ACSS1: variants seen among roughly 807,000 people sequenced by gnomAD.
ACSS1 encodes acetyl-coenzyme A synthetase 2-like, mitochondrial.
In ACSS1, 42 loss-of-function variants were observed where a neutral mutation model predicts 75.3. The observed-to-expected ratio is 0.56, with a 90% CI of 0.44 to 0.72. The LOEUF (loss-of-function observed/expected upper bound fraction) is 0.72. Ranked by LOEUF, ACSS1 falls within the 30% of genes least tolerant of loss-of-function variation. The pLI, the probability that ACSS1 is intolerant of heterozygous loss-of-function variation, is 0.00. For missense variants in ACSS1, 782 were observed against 935.7 expected (o/e 0.84, Z 2.14); for synonymous variants, 380 against 376.8 (o/e 1.01, Z -0.10).
chr20:25,042,743 C>T (rs989522752), intron 2 of ACSS1, among the ~76,000 whole-genome samples: 1 of 152,132 alleles, frequency 6.6e-6, no homozygotes, highest in South Asian at 2.1e-4. Flanking sequence ...CCTGAAATCA[C>T]CACCCACCCA....
At chr20:25,031,137 A>G in intron 2 of ACSS1, 179 bp from the exon 3 acceptor site, 1 of 719,676 alleles carries the variant, frequency 1.4e-6, no homozygotes, top group Non-Finnish European at 2.4e-6. Context: ...AAAGTTTTTA[A>G]CATTTGTAGA....
At position 25,046,946 on chromosome 20, in the gene ACSS1, T is replaced by A. The variant is rs1186735618; in HGVS notation, c.431+1139A>T. The A allele has an allele frequency of 3.9e-6, 3 of 779,062 alleles. No individual in the cohort carries two copies. In the East Asian group the frequency reaches 7.3e-5, roughly 19 times the overall value. 48.3% of individuals were successfully genotyped at this position (779,062 alleles called of 1,614,324 possible). ...GGGAGACGGGTCAGCAAAGGAGCCC[T>A]GGCCGAGGCTGGTGGAGCTGTGATG... On this transcript the variant is annotated intron_variant, in intron 2 of 13. Transcript: ENST00000323482.
chr20:25,050,009 T>C (rs1190224642), intron 1 of ACSS1, among the ~76,000 whole-genome samples: 1 of 151,872 alleles, frequency 6.6e-6, no homozygotes, highest in Non-Finnish European at 1.5e-5. Flanking sequence ...AGAAGAATAG[T>C]GAGGCCAATT....
intron 6 of ACSS1, among the ~76,000 whole-genome samples, chr20:25,020,787 T>C (rs1333162832): frequency 6.6e-6 from 1 of 152,246 alleles, no homozygotes; most frequent in Non-Finnish European, 1.5e-5. Flanking sequence ...ACACAGTCCA[T>C]GCACAGTTGT....
intron 2 of ACSS1, among the ~76,000 whole-genome samples, chr20:25,034,446 G>A (rs2088875956): frequency 6.6e-6 from 1 of 151,954 alleles, no homozygotes; most frequent in Non-Finnish European, 1.5e-5. Flanking sequence ...CTCTGGTCGA[G>A]CCCTCCATGA....
chr20:25,026,619 C>T (rs2088724321), intron 3 of ACSS1, among the ~76,000 whole-genome samples: 1 of 152,320 alleles, frequency 6.6e-6, no homozygotes, highest in South Asian at 2.1e-4. Flanking sequence ...TCCTGTCCCA[C>T]AGACCCATGA....
At chr20:25,018,521 G>A (rs1264072876) in intron 7 of ACSS1, among the ~76,000 whole-genome samples, 1 of 152,152 alleles carries the variant, frequency 6.6e-6, no homozygotes, top group Non-Finnish European at 1.5e-5. Context: ...CATCAATCAG[G>A]TGGGGGGCAG....
At chr20:25,025,865 A>G (rs1036724597) in intron 3 of ACSS1, among the ~76,000 whole-genome samples, 22 of 152,012 alleles carry the variant, frequency 1.4e-4, no homozygotes, top group African/African-American at 5.3e-4. Flanking sequence ...AGTTCTGTGC[A>G]TTAAGGATGT....
At chr20:25,008,229 C>T (rs1307377478) in intron 13 of ACSS1, among the ~76,000 whole-genome samples, 1 of 152,236 alleles carries the variant, frequency 6.6e-6, no homozygotes, top group African/African-American at 2.4e-5. Flanking sequence ...CACTGTGCCA[C>T]GTGCAGGCAC....
intron 2 of ACSS1, chr20:25,032,367 G>C: frequency 7.4e-7 from 1 of 1,355,188 alleles, no homozygotes; most frequent in Non-Finnish European, 9.5e-7. Flanking sequence ...CCGCCAACTT[G>C]CCGGCCATGC....
At chr20:25,008,032 AG>A (rs1290486256) in intron 13 of ACSS1, 91 bp from the exon 14 acceptor site, 2 of 1,462,076 alleles carry the variant, frequency 1.4e-6, no homozygotes, top group East Asian at 2.5e-5. Flanking sequence ...GGCTCTGCTC[AG>A]GGGGGATGCC....
chr20:25,041,245 G>A (rs1445904843), intron 2 of ACSS1, among the ~76,000 whole-genome samples: 3 of 142,014 alleles, frequency 2.1e-5, no homozygotes, highest in Non-Finnish European at 4.5e-5. Context: ...GTGACAGAGC[G>A]AGACTCCGTC....
rs377258023 is a variant in ACSS1 at position 25,008,327 on chromosome 20, G to C, written c.1891-386C>G. ...TGGCAGGTTTTGTCTTACATCAGAG[G>C]TGAGAACTACTTAAGAGAAAAATTT... On this transcript the variant is annotated intron_variant, in intron 13 of 13. Coordinates refer to ENST00000323482, the MANE Select transcript of ACSS1 (RefSeq NM_032501.4). 1.4e-4 allele frequency among the ~76,000 whole-genome samples: 22 copies of C among 152,358 alleles called. 1 individual carries two copies. The highest frequency in any genetic ancestry group is 3.4e-3 in the Middle Eastern group (1 of 294).
chr20:25,040,405 AG>A (rs1449653787), intron 2 of ACSS1, among the ~76,000 whole-genome samples: 3 of 152,202 alleles, frequency 2.0e-5, no homozygotes, highest in African/African-American at 7.2e-5. Flanking sequence ...TAAGCCCTGG[AG>A]GGGAAGTTCA....
At chr20:25,052,973 C>T (rs900448921) in intron 1 of ACSS1, among the ~76,000 whole-genome samples, 2 of 151,544 alleles carry the variant, frequency 1.3e-5, no homozygotes, top group African/African-American at 4.8e-5. Context: ...TATTTAAATA[C>T]ATCCCTCACA....
At chr20:25,037,076 T>C (rs2122711508) in intron 2 of ACSS1, among the ~76,000 whole-genome samples, 1 of 152,120 alleles carries the variant, frequency 6.6e-6, no homozygotes, top group South Asian at 2.1e-4. Context: ...CATGATTGTT[T>C]ATTGCTTACA....
rs1280507694 is a variant in ACSS1 at position 25,012,943 on chromosome 20, C to T, written c.1580-4G>A. ...CCGTCTCCAGTGAAGTAATAGCCTGCACCACAGCAGGGAAATTCAGCACCA... is the reference window on the plus strand; with the variant it reads ...CCGTCTCCAGTGAAGTAATAGCCTGTACCACAGCAGGGAAATTCAGCACCA... On this transcript the variant is annotated splice_polypyrimidine_tract_variant and splice_region_variant and intron_variant, in intron 10 of 13. Coordinates refer to ENST00000323482, the MANE Select transcript of ACSS1 (RefSeq NM_032501.4). 6.2e-7 allele frequency: 1 copy of T among 1,614,194 alleles called. No homozygotes were observed. The highest frequency in any genetic ancestry group is 2.2e-5 in the East Asian group (1 of 44,878).
intron 4 of ACSS1, 69 bp from the exon 5 acceptor site, chr20:25,023,161 C>T (rs887546684): frequency 8.6e-5 from 131 of 1,524,994 alleles, no homozygotes; most frequent in South Asian, 2.0e-4. Flanking sequence ...ACTCCCCCTC[C>T]GCAGCAGGAC....
chr20:25,046,637 A>G (rs1033433274), intron 2 of ACSS1: 15 of 602,998 alleles, frequency 2.5e-5, no homozygotes, highest in African/African-American at 2.4e-4. Context: ...TTACTGAAGA[A>G]CTACTCCAGG....
Sources: gnomAD v4.1 joint callset for allele counts (sites outside exome capture counted in the v4.1 genomes callset) on GRCh38, gnomAD v4.1.1 for gene constraint, MANE v1.5 for transcripts, NCBI Gene and HGNC (gene_info 2026-07-23, HGNC 2026-07-21) for gene names.